Variants in SYMPK observed in about 807,000 individuals in gnomAD.
SYMPK encodes the protein symplekin.
Under a neutral mutation model 136.4 loss-of-function variants are expected in SYMPK, and 49 were observed. That is an observed-to-expected ratio of 0.36 (90% confidence interval 0.29 to 0.46). The LOEUF (loss-of-function observed/expected upper bound fraction) is 0.46, where lower values mean the gene tolerates loss of function less well. SYMPK is among the 20% of genes least tolerant of loss of function. SYMPK has a pLI of 1.00. For missense variants in SYMPK, 1,365 were observed against 1,690.0 expected (o/e 0.81, Z 3.37); for synonymous variants, 766 against 713.0 (o/e 1.07, Z -1.19).
chr19:45,831,388 G>A lies in SYMPK; in HGVS notation c.1594C>T (p.Pro532Ser). The A allele has an allele frequency of 6.4e-7, 1 of 1,563,102 alleles. No homozygotes were observed. The highest frequency in any genetic ancestry group is 8.7e-7 in the Non-Finnish European group (1 of 1,153,004). The change falls in exon 12 of 27, where the codon CCC (proline) becomes TCC (serine). Residue 532 changes from proline (P) to serine (S), a missense_variant. Around this residue, in one of 11 missense-constraint regions of SYMPK, gnomAD observed 303 missense variants for 326.6 expected, o/e 0.93. Coordinates refer to ENST00000245934, the MANE Select transcript of SYMPK (RefSeq NM_004819.3). ...RPEPIIPVTQPRLAGAGGRKK... is the reference protein window; with the variant it reads ...RPEPIIPVTQSRLAGAGGRKK... ...AGCACCCAGAAGAGGACTCACCGGG[G>A]CTGAGTGACAGGGATAATGGGCTCT...
At position 45,857,692 on chromosome 19, in the gene SYMPK, C is replaced by T. The variant is rs1306812390; in HGVS notation, c.-12-3185G>A. On this transcript the variant is annotated intron_variant, in intron 1 of 26. Transcript: ENST00000245934. ...ATTTTTAGTAGAGACGGGGTTTCAC[C>T]ATGTTAGCCAGGATGGTCTCGATCT... is the stretch of plus-strand genomic sequence containing the variant. 4.6e-5 allele frequency among the ~76,000 whole-genome samples: 7 copies of T among 151,862 alleles called. 1 individual carries two copies. The highest frequency in any genetic ancestry group is 6.8e-3 in the Middle Eastern group (2 of 294).
chr19:45,824,142 T>C (rs1970979132), intron 18 of SYMPK: 1 of 441,956 alleles, frequency 2.3e-6, no homozygotes, highest in Non-Finnish European at 4.1e-6. Context: ...TGGCTCAGAC[T>C]TGACCTGACC....
rs762438716 is a variant in SYMPK, at chr19:45,854,217, C to T, written c.129G>A (p.Ala43=). The T allele has an allele frequency of 4.6e-5, 74 of 1,613,986 alleles. No homozygotes were observed. The highest frequency in any genetic ancestry group is 6.2e-5 in the Non-Finnish European group (73 of 1,180,022). Residue 43 remains alanine, a synonymous_variant, in exon 3 of 27, where the codon GCG becomes GCA. Transcript: ENST00000245934. ...SERVVDLLNQ[A]ALITNDSKIT... ...TCTTTGAGTCATTGGTGATCAGCGC[C>T]GCCTGGTTCAGAAGATCCACCACCT...
chr19:45,826,191 A>T (rs776053527), intron 17 of SYMPK, 35 bp downstream of exon 17: 1 of 1,591,646 alleles, frequency 6.3e-7, no homozygotes, highest in Non-Finnish European at 8.6e-7. Flanking sequence ...CGGACACAGC[A>T]GCGCTCAGTA....
In SYMPK at chr19:45,854,492, C is replaced by T. The variant is rs1290269571; in HGVS notation, c.4G>A (p.Ala2Thr). 36 of 1,613,690 alleles carry T rather than the reference C, an allele frequency of 2.2e-5. No homozygotes were observed. The highest frequency in any genetic ancestry group is 3.0e-5 in the Non-Finnish European group (35 of 1,179,992). MASGSGDSVTRR... is the reference protein window; with the variant it reads MTSGSGDSVTRR... ...GTGACGCTGTCTCCACTGCCGCTCGCCATGGCTGCTGTCAGCTTGTCCCCA... is the reference window on the plus strand; with the variant it reads ...GTGACGCTGTCTCCACTGCCGCTCGTCATGGCTGCTGTCAGCTTGTCCCCA... Residue 2 changes from alanine (A) to threonine (T), a missense_variant, in exon 2 of 27, where the codon GCG becomes ACG. By Grantham distance (58) the Ala-to-Thr change is moderately conservative. Around this residue, in one of 11 missense-constraint regions of SYMPK, gnomAD observed 61 missense variants for 80.7 expected, o/e 0.76. Transcript: ENST00000245934.
intron 12 of SYMPK, 23 bp from the exon 13 acceptor site, chr19:45,830,227 AG>A: frequency 6.2e-7 from 1 of 1,603,594 alleles, no homozygotes; most frequent in Non-Finnish European, 8.5e-7. Flanking sequence ...GCAGTGACAG[AG>A]ATGCAGTGAC....
intron 22 of SYMPK, chr19:45,820,509 G>GA (rs1970863118): frequency 6.6e-6 from 1 of 152,410 alleles, no homozygotes; most frequent in African/African-American, 2.4e-5. Flanking sequence ...GCACAGAGAG[G>GA]AAGCCCCTTC....
At chr19:45,832,389 G>A (rs560605206) in intron 11 of SYMPK, among the ~76,000 whole-genome samples, 24 of 151,648 alleles carry the variant, frequency 1.6e-4, no homozygotes, top group African/African-American at 5.3e-4. Context: ...TGATCCACCC[G>A]CCTCAGCCTC....
intron 13 of SYMPK, 85 bp from the exon 14 acceptor site, chr19:45,829,290 G>A (rs1971117018): frequency 8.4e-7 from 1 of 1,194,530 alleles, no homozygotes; most frequent in Non-Finnish European, 1.2e-6. Context: ...CTCCCACCCA[G>A]ACGCAGGAAC....
rs760745646 is a variant in SYMPK at position 45,816,654 on chromosome 19, G to A, written c.3259-77C>T. The A allele has an allele frequency of 1.5e-5, 24 of 1,585,610 alleles. No individual in the cohort carries two copies. In the African/African-American group the frequency reaches 2.4e-4, roughly 16 times the overall value. On this transcript the variant is annotated intron_variant, in intron 24 of 26. Transcript: ENST00000245934. ...CCATTTGCACACCTCAGGTCCGGGG[G>A]CCCTAACCCTCCAGAACTCCCAGCA...
chr19:45,823,405 G>A lies in SYMPK; in HGVS notation c.2667C>T (p.Arg889=), dbSNP rs1381610450. Residue 889 remains arginine (R), a synonymous_variant, in exon 20 of 27, where the codon CGC becomes CGT. Transcript: ENST00000245934. ...DLYHKRLPDV[R]FLIPVLNGLE... ...GCCCATTGAGCACCGGGATGAGGAA[G>A]CGGACGTCTGGCAGTCGCTTGTGGT... 1.2e-6 allele frequency: 2 copies of A among 1,614,066 alleles called. No individual in the cohort carries two copies. The highest frequency in any genetic ancestry group is 3.3e-5 in the Admixed American group (2 of 60,028).
chr19:45,847,282 G>T (rs1393366320), intron 7 of SYMPK, among the ~76,000 whole-genome samples: 1 of 152,022 alleles, frequency 6.6e-6, no homozygotes, highest in African/African-American at 2.4e-5. Context: ...AAATTGGCCA[G>T]GTATGGTGGC....
chr19:45,859,313 A>G (rs894590639), intron 1 of SYMPK, among the ~76,000 whole-genome samples: 1 of 151,216 alleles, frequency 6.6e-6, no homozygotes, highest in African/African-American at 2.4e-5. Context: ...AAAAAAAAAA[A>G]AGGGCATGGT....
intron 21 of SYMPK, among the ~76,000 whole-genome samples, 171 bp downstream of exon 21, chr19:45,822,585 T>A (rs1970934110): frequency 6.6e-6 from 1 of 152,158 alleles, no homozygotes; most frequent in Non-Finnish European, 1.5e-5. Flanking sequence ...CATAAAAATA[T>A]CCCAGAGGGT....
At chr19:45,848,055 G>A (rs1971611119) in intron 6 of SYMPK, 54 bp from the exon 7 acceptor site, 6 of 1,528,140 alleles carry the variant, frequency 3.9e-6, no homozygotes, top group African/African-American at 2.7e-5. Context: ...TGAAGACAAC[G>A]CATCAATCAC....
chr19:45,821,598 C>T lies in SYMPK; in HGVS notation c.2792-113G>A. 1.4e-6 allele frequency: 1 copy of T among 702,784 alleles called. No individual in the cohort carries two copies. The highest frequency in any genetic ancestry group is 2.7e-5 in the Admixed American group (1 of 37,034). 43.5% of individuals were successfully genotyped at this position (702,784 alleles called of 1,614,324 possible). A position where few individuals can be genotyped will look rare whatever the true frequency, so the allele number is the denominator to read the frequency against. On this transcript the variant is annotated intron_variant, in intron 21 of 26. Coordinates refer to ENST00000245934, the MANE Select transcript of SYMPK (RefSeq NM_004819.3). This position sits in a 1 kb window ranked among gnomAD's most constrained non-coding sequence, Gnocchi z 4.4. ...GCGAGCAAAGATGAGGTGCCCTCTG[C>T]TTTCAGGGCTGGAACAGGGGAAGCG... is the stretch of plus-strand genomic sequence containing the variant.
rs533384985 is a variant in SYMPK, at chr19:45,844,148, C to G, written c.729G>C (p.Met243Ile). Reference protein sequence around the residue: ...KAALEQLLKFMVHPAISSINL... With the variant: ...KAALEQLLKFIVHPAISSINL... ...TGATGGAGGAGATGGCAGGGTGCACCATGAACTTAAGCAGCTGCTCCAAGG... is the reference window on the plus strand; with the variant it reads ...TGATGGAGGAGATGGCAGGGTGCACGATGAACTTAAGCAGCTGCTCCAAGG... Residue 243 changes from methionine to isoleucine, a missense_variant, in exon 8 of 27, where the codon ATG (methionine) becomes ATC (isoleucine). Met to Ile is a conservative substitution (Grantham distance 10). Around this residue, in one of 11 missense-constraint regions of SYMPK, gnomAD observed 237 missense variants for 292.9 expected, o/e 0.81. Coordinates refer to ENST00000245934, the MANE Select transcript of SYMPK (RefSeq NM_004819.3). 1.2e-6 allele frequency: 2 copies of G among 1,612,040 alleles called. No individual in the cohort carries two copies. The highest frequency in any genetic ancestry group is 4.5e-5 in the East Asian group (2 of 44,754).
intron 8 of SYMPK, chr19:45,842,892 A>G (rs918583813): frequency 1.5e-5 from 3 of 198,102 alleles, no homozygotes; most frequent in East Asian, 2.8e-4. Flanking sequence ...GGTCACCCTG[A>G]TAAGTGAGCC....
intron 9 of SYMPK, among the ~76,000 whole-genome samples, chr19:45,840,068 G>A (rs1971398897): frequency 6.6e-6 from 1 of 152,036 alleles, no homozygotes; most frequent in Non-Finnish European, 1.5e-5. Flanking sequence ...GAGGCAACCA[G>A]GGGATCACCT....
Sources: allele counts gnomAD v4.1 joint callset (sites outside exome capture counted in the v4.1 genomes callset), GRCh38; gene constraint gnomAD v4.1.1; regional missense constraint gnomAD v4.1.1; non-coding constraint Gnocchi (gnomAD v3.1); transcripts MANE v1.5; gene names NCBI Gene and HGNC (gene_info 2026-07-23, HGNC 2026-07-21).